ERC1: variants seen among roughly 807,000 people sequenced by gnomAD.
ERC1 encodes the protein ELKS/RAB6-interacting/CAST family member 1.
ERC1 carries 56 observed loss-of-function variants against 132.0 expected under a neutral mutation model. The observed-to-expected ratio is 0.42, with a 90% confidence interval of 0.34 to 0.53. The LOEUF (loss-of-function observed/expected upper bound fraction) is 0.53, where lower values mean the gene tolerates loss of function less well. Ranked by LOEUF, ERC1 falls within the 20% of genes least tolerant of loss-of-function variation. The pLI is 0.03. For synonymous variants in ERC1, 478 were observed against 476.1 expected, an observed-to-expected ratio of 1.00 and a Z score of -0.05; for missense variants, 1,202 against 1,349.9, an observed-to-expected ratio of 0.89 and a Z score of 1.72.
intron 2 of ERC1, among the ~76,000 whole-genome samples, chr12:1,036,374 C>CT (rs759834824): frequency 0.028 from 3,824 of 136,154 alleles, 72 homozygotes; most frequent in Middle Eastern, 0.052. Flanking sequence ...ATTAAATAAA[C>CT]TTTTTTTTTT....
At position 1,122,578 on chromosome 12, in the gene ERC1, TCTCTATCTCTATCTCTATC is replaced by T. The variant is rs1202903746; in HGVS notation, c.1569+6546_1569+6564del. ...ATCTCTATCTCTATCTGTGTCTCTA[TCTCTATCTCTATCTCTATC>T]TGTGTCTCTATCTCTATCTCTATCT... On this transcript the variant is annotated intron_variant, in intron 7 of 18. Coordinates refer to ENST00000360905, the MANE Select transcript of ERC1 (RefSeq NM_178040.4). Among the ~76,000 whole-genome samples, 386 of 141,202 alleles carry T rather than the reference TCTCTATCTCTATCTCTATC, an allele frequency of 2.7e-3. 35 individuals carry two copies. Among genetic ancestry groups the T allele is most frequent in the Middle Eastern group, 7.6e-3 (2 of 264 alleles). The allele number at this position is 141,202 out of a possible 152,430, so 92.6% of individuals were successfully genotyped here.
intron 17 of ERC1, among the ~76,000 whole-genome samples, chr12:1,429,640 A>T (rs567474220): frequency 9.3e-4 from 142 of 152,306 alleles, no homozygotes; most frequent in African/African-American, 3.1e-3. Context: ...CTGCTAAATG[A>T]TGGATTTTCT....
chr12:1,062,895 G>A (rs1408066434), intron 2 of ERC1, among the ~76,000 whole-genome samples: 2 of 152,164 alleles, frequency 1.3e-5, no homozygotes, highest in Non-Finnish European at 2.9e-5. Flanking sequence ...GGTGTTAGGT[G>A]CATATGTGTT....
At chr12:1,354,442 G>T (rs2085330610) in intron 15 of ERC1, among the ~76,000 whole-genome samples, 1 of 151,948 alleles carries the variant, frequency 6.6e-6, no homozygotes, top group Non-Finnish European at 1.5e-5. Flanking sequence ...AGAATCATTT[G>T]AACCTGGGAG....
chr12:1,083,839 T>C (rs1044120580), intron 3 of ERC1, among the ~76,000 whole-genome samples: 2 of 152,172 alleles, frequency 1.3e-5, no homozygotes, highest in African/African-American at 2.4e-5. Context: ...GTTCATTTGT[T>C]GCTAAAGGGG....
chr12:1,240,060 T>G (rs2075692698), intron 13 of ERC1, among the ~76,000 whole-genome samples: 1 of 152,154 alleles, frequency 6.6e-6, no homozygotes, highest in African/African-American at 2.4e-5. Flanking sequence ...TGGGGTCATA[T>G]AAGGATGGAC....
intron 8 of ERC1, chr12:1,152,847 G>C (rs1950959735): frequency 6.5e-6 from 1 of 153,428 alleles, no homozygotes; most frequent in South Asian, 2.1e-4. Context: ...GAGATAGTTG[G>C]CTGGTGTATA....
intron 13 of ERC1, chr12:1,244,520 T>G: frequency 2.2e-6 from 1 of 452,140 alleles, no homozygotes; most frequent in South Asian, 1.6e-5. Context: ...GTTTGTTTGT[T>G]TGTTTGTTTG....
At chr12:1,104,120 T>A (rs1383266451) in intron 3 of ERC1, among the ~76,000 whole-genome samples, 2 of 147,928 alleles carry the variant, frequency 1.4e-5, no homozygotes, top group Non-Finnish European at 3.0e-5. Context: ...CTCAGTAAAA[T>A]TTGGGTAAAA....
At chr12:1,287,179 A>G (rs2079093088) in intron 14 of ERC1, among the ~76,000 whole-genome samples, 1 of 152,244 alleles carries the variant, frequency 6.6e-6, no homozygotes, top group African/African-American at 2.4e-5. Context: ...AATAAATGGT[A>G]CTGCACATTG....
At chr12:1,154,257 A>G (rs1383326665) in intron 8 of ERC1, among the ~76,000 whole-genome samples, 1 of 137,772 alleles carries the variant, frequency 7.3e-6, no homozygotes, top group African/African-American at 2.8e-5. Flanking sequence ...GTATATGTAT[A>G]TGTGTATATA....
intron 16 of ERC1, among the ~76,000 whole-genome samples, chr12:1,375,767 T>G (rs900918190): frequency 6.9e-6 from 1 of 144,590 alleles, no homozygotes; most frequent in African/African-American, 2.6e-5. Flanking sequence ...AGGTGGAGTT[T>G]TGCTCTGTTC....
At chr12:1,164,454 T>A (rs2154262423) in intron 8 of ERC1, among the ~76,000 whole-genome samples, 1 of 152,286 alleles carries the variant, frequency 6.6e-6, no homozygotes, top group Non-Finnish European at 1.5e-5. Context: ...ACCATTCTCC[T>A]GCCTCAGCCT....
intron 18 of ERC1, among the ~76,000 whole-genome samples, chr12:1,486,400 T>C (rs1381653032): frequency 6.7e-6 from 1 of 150,286 alleles, no homozygotes; most frequent in African/African-American, 2.5e-5. Flanking sequence ...TTTACAATAT[T>C]TGTGAAGCAC....
intron 17 of ERC1, among the ~76,000 whole-genome samples, chr12:1,422,643 A>T (rs922374383): frequency 6.6e-6 from 1 of 152,182 alleles, no homozygotes; most frequent in Non-Finnish European, 1.5e-5. Flanking sequence ...AGTTGTAAAT[A>T]GTGCTGCACT....
intron 15 of ERC1, among the ~76,000 whole-genome samples, chr12:1,354,685 C>G (rs75598721): frequency 0.029 from 4,416 of 152,310 alleles, 89 homozygotes; most frequent in South Asian, 0.087. Context: ...GAGCCTTGCT[C>G]TGTCATCCAG....
rs1484473649 is a variant in ERC1, at chr12:1,492,797, G to C, written c.*2567G>C. 1.3e-5 allele frequency: 3 copies of C among 231,934 alleles called. No individual in the cohort carries two copies. Among genetic ancestry groups the C allele is most frequent in the African/African-American group, 6.6e-5 (3 of 45,272 alleles). The allele number at this position is 231,934 out of a possible 1,614,324, so 14.4% of individuals were successfully genotyped here. A position where few individuals can be genotyped will look rare whatever the true frequency, so the allele number is the denominator to read the frequency against. On this transcript the variant is annotated 3_prime_UTR_variant, in exon 19 of 19. Coordinates refer to ENST00000360905, the MANE Select transcript of ERC1 (RefSeq NM_178040.4). ...GAGTGGATGCAGTTTGTAGCTTTCA[G>C]AGTGTCTCATTGAGTCTAGATCATT...
At chr12:1,056,088 AAAAAG>A (rs1972907338) in intron 2 of ERC1, among the ~76,000 whole-genome samples, 1 of 151,480 alleles carries the variant, frequency 6.6e-6, no homozygotes. Flanking sequence ...TTTTTTTAAA[AAAAAG>A]GTGAATGTCA....
chr12:1,465,432 T>C (rs1314441421), intron 18 of ERC1, among the ~76,000 whole-genome samples: 1 of 152,202 alleles, frequency 6.6e-6, no homozygotes, highest in Non-Finnish European at 1.5e-5. Flanking sequence ...ACAGAGTGTC[T>C]ACAATGCTGC....
Sources: gnomAD v4.1 joint callset for allele counts (sites outside exome capture counted in the v4.1 genomes callset) on GRCh38, gnomAD v4.1.1 for gene constraint, MANE v1.5 for transcripts, NCBI Gene and HGNC (gene_info 2026-07-23, HGNC 2026-07-21) for gene names.